The following HOMER2 variants were observed in gnomAD, a reference collection of about 807,000 sequenced individuals.
HOMER2 encodes the protein homer scaffold protein 2.
HOMER2 carries 27 observed loss-of-function variants against 47.0 expected under a neutral mutation model. That is an observed-to-expected ratio of 0.57 (90% CI 0.42 to 0.79). The LOEUF (loss-of-function observed/expected upper bound fraction) is 0.79. HOMER2 is among the 30% of genes least tolerant of loss of function. The pLI, the probability that HOMER2 is intolerant of heterozygous loss-of-function variation, is 0.00. For synonymous variants in HOMER2, 161 were observed against 163.8 expected (o/e 0.98, Z 0.13); for missense variants, 443 against 435.0 (o/e 1.02, Z -0.16).
At chr15:82,845,610 G>A (rs2051232881), downstream of HOMER2, 1 of 152,126 alleles carries the variant, frequency 6.6e-6, no homozygotes, top group African/African-American at 2.4e-5. Flanking sequence ...ATGTCTCAAG[G>A]CAATGAAAGA....
At chr15:82,939,617 C>T (rs1266304601) in intron 1 of HOMER2, among the ~76,000 whole-genome samples, 1 of 152,138 alleles carries the variant, frequency 6.6e-6, no homozygotes, top group Non-Finnish European at 1.5e-5. Context: ...TTTCAGTGAG[C>T]CGAGACTGCA....
intron 5 of HOMER2, among the ~76,000 whole-genome samples, chr15:82,857,201 G>A (rs1026516027): frequency 6.6e-6 from 1 of 152,062 alleles, no homozygotes; most frequent in Non-Finnish European, 1.5e-5. Context: ...AGAGTCCTCA[G>A]AGAGCTCACC....
chr15:82,874,196 G>C (rs1292993051), intron 3 of HOMER2, among the ~76,000 whole-genome samples: 1 of 152,212 alleles, frequency 6.6e-6, no homozygotes, highest in African/African-American at 2.4e-5. Context: ...CAGCCAGTCA[G>C]TCAGATGTTC....
intron 5 of HOMER2, among the ~76,000 whole-genome samples, chr15:82,855,514 C>A (rs549349308): frequency 6.6e-6 from 1 of 152,216 alleles, no homozygotes; most frequent in Non-Finnish European, 1.5e-5. Context: ...CATGGACGGA[C>A]CTCCAGGACG....
chr15:82,926,297 A>G (rs1210554497), intron 1 of HOMER2: 2 of 152,226 alleles, frequency 1.3e-5, no homozygotes, highest in Non-Finnish European at 2.9e-5. Context: ...GCATACTCTC[A>G]CTGTATCCTC....
At chr15:82,909,364 CTG>C (rs1206461885) in intron 1 of HOMER2, among the ~76,000 whole-genome samples, 14 of 152,200 alleles carry the variant, frequency 9.2e-5, no homozygotes, top group African/African-American at 3.4e-4. Flanking sequence ...GTCCCTACTG[CTG>C]TGTCTTTCCC....
At chr15:82,839,160 G>A (rs1205544999) in exon 2 of HOMER2, 1 of 152,034 alleles carries the variant, frequency 6.6e-6, no homozygotes, top group African/African-American at 2.4e-5. Flanking sequence ...TACCCCAATA[G>A]CCAGGCATAT....
Position 82,890,476 on chromosome 15 carries a change from A to G in HOMER2, c.162+2209T>C, listed in dbSNP as rs76122739. ...GGATTCCCAGCCTGTAAGTGAGTCT[A>G]TAGCTTGATGACTCTCCCACACTGA... On this transcript the variant is annotated intron_variant, in intron 2 of 8. Coordinates refer to ENST00000450735, the MANE Select transcript of HOMER2 (RefSeq NM_004839.4). Among the ~76,000 whole-genome samples the G allele has an allele frequency of 5.8e-3, 883 of 152,294 alleles. 24 individuals are homozygous for G. The highest frequency in any genetic ancestry group is 0.052 in the Admixed American group (794 of 15,304).
At chr15:82,834,683 ATTTAT>A (rs1182808068), downstream of HOMER2, 1 of 152,646 alleles carries the variant, frequency 6.6e-6, no homozygotes, top group Non-Finnish European at 1.5e-5. Flanking sequence ...TTTAAATGAA[ATTTAT>A]TTTAGGCACC....
At chr15:82,925,636 T>C (rs1214535377) in intron 1 of HOMER2, among the ~76,000 whole-genome samples, 2 of 152,176 alleles carry the variant, frequency 1.3e-5, no homozygotes, top group Non-Finnish European at 2.9e-5. Context: ...TTCTTCCCTT[T>C]GACCTCCTCT....
chr15:82,964,235 T>C (rs2054654458), intron 1 of HOMER2, among the ~76,000 whole-genome samples: 1 of 152,198 alleles, frequency 6.6e-6, no homozygotes, highest in African/African-American at 2.4e-5. Flanking sequence ...GAATGAAGCC[T>C]GGGAGGTTCA....
rs147399184 is a variant in HOMER2 at position 82,875,501 on chromosome 15, C to A, written c.163-97G>T. 2.0e-5 allele frequency: 25 copies of A among 1,278,190 alleles called. No individual in the cohort carries two copies. The African/African-American group carries it at 2.9e-4, about 15-fold the overall frequency. 79.2% of individuals were successfully genotyped at this position (1,278,190 alleles called of 1,614,324 possible). ...CTATTGGCAAAGCCAGTGCTTCAAG[C>A]CTGTATCCTCTGCCCTGTTAAATTT... On this transcript the variant is annotated intron_variant, in intron 2 of 8. Transcript: ENST00000450735.
chr15:82,967,117 C>G (rs921694355), intron 1 of HOMER2, among the ~76,000 whole-genome samples: 3 of 152,022 alleles, frequency 2.0e-5, no homozygotes, highest in Admixed American at 2.0e-4. Context: ...TATGATGGCA[C>G]ACATCTGTGG....
chr15:82,976,927 C>T (rs1462161923), intron 1 of HOMER2, among the ~76,000 whole-genome samples: 2 of 152,012 alleles, frequency 1.3e-5, no homozygotes, highest in African/African-American at 4.8e-5. Flanking sequence ...CTGCCCCCCT[C>T]GGCCTCCCAA....
intron 3 of HOMER2, among the ~76,000 whole-genome samples, chr15:82,871,053 C>T (rs549976832): frequency 1.3e-5 from 2 of 152,348 alleles, no homozygotes; most frequent in East Asian, 3.9e-4. Flanking sequence ...TCAGCACATG[C>T]AAGTGCCTTT....
intron 1 of HOMER2, among the ~76,000 whole-genome samples, chr15:82,927,406 ATTAC>A (rs1318420863): frequency 6.6e-6 from 1 of 152,184 alleles, no homozygotes; most frequent in Non-Finnish European, 1.5e-5. Context: ...TAATTGAGGA[ATTAC>A]TTTTGTAATA....
At chr15:82,984,006 C>G (rs2030491574) in intron 1 of HOMER2, among the ~76,000 whole-genome samples, 1 of 151,694 alleles carries the variant, frequency 6.6e-6, no homozygotes, top group African/African-American at 2.4e-5. Flanking sequence ...ACTGGAGCTC[C>G]AGAATAGTAC....
chr15:82,914,875 A>G lies in HOMER2; in HGVS notation c.6-22034T>C, dbSNP rs145778837. 3.1e-3 allele frequency among the ~76,000 whole-genome samples: 465 copies of G among 152,276 alleles called. 5 individuals carry two copies. Among genetic ancestry groups the G allele is most frequent in the African/African-American group, 0.011 (446 of 41,554 alleles). On this transcript the variant is annotated intron_variant, in intron 1 of 8. Transcript: ENST00000450735. ...CAATGGCACCAAAGAGAAACCTGCA[A>G]AGGGCGTGCATTTAGAGGACAGATG... is the stretch of plus-strand genomic sequence containing the variant.
intron 1 of HOMER2, among the ~76,000 whole-genome samples, chr15:82,915,664 C>T (rs1358519106): frequency 6.6e-6 from 1 of 152,106 alleles, no homozygotes; most frequent in African/African-American, 2.4e-5. Flanking sequence ...GTGAGCTGCC[C>T]TGTCTCAAAT....
Sources: gnomAD v4.1 joint callset for allele counts (sites outside exome capture counted in the v4.1 genomes callset) on GRCh38, gnomAD v4.1.1 for gene constraint, MANE v1.5 for transcripts, NCBI Gene and HGNC (gene_info 2026-07-23, HGNC 2026-07-21) for gene names.